Variants in BICD1 observed in about 807,000 individuals in gnomAD.
BICD1 encodes protein bicaudal D homolog 1.
BICD1 carries 35 observed loss-of-function variants against 92.5 expected under a neutral mutation model. The ratio of observed to expected loss-of-function variants is 0.38; its 90% CI spans 0.29 to 0.50. BICD1 has a LOEUF of 0.50. BICD1 is among the 20% of genes least tolerant of loss of function. BICD1 has a pLI of 0.93. For missense variants in BICD1, 950 were observed against 1,189.8 expected (o/e 0.80, Z 2.97); for synonymous variants, 429 against 465.1 (o/e 0.92, Z 1.00).
At chr12:32,233,176 T>C (rs1321747516) in intron 2 of BICD1, among the ~76,000 whole-genome samples, 4 of 151,982 alleles carry the variant, frequency 2.6e-5, no homozygotes, top group African/African-American at 9.7e-5. Flanking sequence ...ACAAAAGTTA[T>C]GTTGGCATGG....
At chr12:32,274,068 G>C (rs1329664941) in intron 2 of BICD1, among the ~76,000 whole-genome samples, 2 of 152,210 alleles carry the variant, frequency 1.3e-5, no homozygotes, top group African/African-American at 4.8e-5. Flanking sequence ...CAGCCTTCAG[G>C]CTCTTTTAGG....
At chr12:32,230,762 G>C (rs1462200060) in intron 2 of BICD1, among the ~76,000 whole-genome samples, 1 of 152,194 alleles carries the variant, frequency 6.6e-6, no homozygotes, top group Non-Finnish European at 1.5e-5. Flanking sequence ...TCTGTCTCAG[G>C]CCCAGTGGCA....
At chr12:32,153,510 T>G (rs1268300205) in intron 1 of BICD1, among the ~76,000 whole-genome samples, 2 of 151,982 alleles carry the variant, frequency 1.3e-5, no homozygotes, top group Non-Finnish European at 2.9e-5. Context: ...TTAAATCAGT[T>G]AAGATGGAGG....
intron 2 of BICD1, among the ~76,000 whole-genome samples, chr12:32,275,727 G>A (rs949467181): frequency 5.3e-5 from 8 of 150,732 alleles, no homozygotes; most frequent in Non-Finnish European, 8.8e-5. Flanking sequence ...ATCCGGCAGG[G>A]TGTCCGCTGT....
intron 3 of BICD1, among the ~76,000 whole-genome samples, chr12:32,303,425 C>T (rs539752781): frequency 1.3e-5 from 2 of 152,292 alleles, no homozygotes; most frequent in Admixed American, 6.5e-5. Context: ...TTACCATCAG[C>T]TTTCATTGTT....
At chr12:32,192,365 C>T (rs868071229) in intron 1 of BICD1, among the ~76,000 whole-genome samples, 5 of 151,956 alleles carry the variant, frequency 3.3e-5, no homozygotes, top group African/African-American at 1.2e-4. Context: ...ACCCAGGAGG[C>T]GGAGGTTGCA....
intron 3 of BICD1, among the ~76,000 whole-genome samples, chr12:32,301,531 T>G (rs1948045767): frequency 6.6e-6 from 1 of 151,888 alleles, no homozygotes; most frequent in South Asian, 2.1e-4. Context: ...TCCCAGCACT[T>G]CGGGAGGCTG....
intron 5 of BICD1, among the ~76,000 whole-genome samples, chr12:32,330,796 A>T (rs1264938208): frequency 3.9e-5 from 6 of 152,136 alleles, no homozygotes; most frequent in Non-Finnish European, 1.5e-5. Context: ...ATTCTTGATC[A>T]AGCCATCCAG....
chr12:32,251,989 A>C (rs373070554), intron 2 of BICD1, among the ~76,000 whole-genome samples: 3 of 104,276 alleles, frequency 2.9e-5, no homozygotes, highest in East Asian at 2.7e-4. Context: ...CTATATATAT[A>C]ATATATTTAT....
At chr12:32,173,788 C>A (rs1340736743) in intron 1 of BICD1, among the ~76,000 whole-genome samples, 1 of 152,160 alleles carries the variant, frequency 6.6e-6, no homozygotes, top group East Asian at 1.9e-4. Flanking sequence ...CAGATGTGTT[C>A]ATCAAACACT....
intron 8 of BICD1, among the ~76,000 whole-genome samples, chr12:32,363,554 G>C (rs1247591550): frequency 6.6e-6 from 1 of 152,102 alleles, no homozygotes; most frequent in Non-Finnish European, 1.5e-5. Context: ...TAAAAAGTTT[G>C]TAGTTACAAA....
intron 1 of BICD1, among the ~76,000 whole-genome samples, chr12:32,112,076 G>A (rs1487023859): frequency 1.5e-5 from 2 of 136,476 alleles, no homozygotes; most frequent in African/African-American, 2.8e-5. Context: ...GTGTGATCTC[G>A]GCTCACCGCA....
chr12:32,367,511 G>A, intron 8 of BICD1, 159 bp from the exon 9 acceptor site: 1 of 549,798 alleles, frequency 1.8e-6, no homozygotes. Context: ...CTTTTCTATT[G>A]GCATCATTCA....
intron 1 of BICD1, among the ~76,000 whole-genome samples, chr12:32,133,001 G>A (rs534676261): frequency 2.6e-5 from 4 of 152,236 alleles, no homozygotes; most frequent in African/African-American, 9.6e-5. Flanking sequence ...AAAGAAGGTG[G>A]AGAAATCAGG....
chr12:32,191,669 T>TGCA (rs1944572793), intron 1 of BICD1, among the ~76,000 whole-genome samples: 1 of 147,908 alleles, frequency 6.8e-6, no homozygotes, highest in African/African-American at 2.5e-5. Flanking sequence ...ATATGTTATA[T>TGCA]ATAATATATA....
chr12:32,360,601 G>C (rs998494198), intron 8 of BICD1, among the ~76,000 whole-genome samples: 3 of 152,088 alleles, frequency 2.0e-5, no homozygotes, highest in African/African-American at 7.2e-5. Flanking sequence ...AAAATAATGT[G>C]TCTGAACTTG....
intron 1 of BICD1, among the ~76,000 whole-genome samples, chr12:32,116,205 G>A (rs1353838668): frequency 6.6e-6 from 1 of 151,946 alleles, no homozygotes; most frequent in African/African-American, 2.4e-5. Flanking sequence ...AGATGGCTGT[G>A]TTTTAGAGCT....
intron 2 of BICD1, among the ~76,000 whole-genome samples, chr12:32,228,515 G>A (rs1945772960): frequency 6.6e-6 from 1 of 152,212 alleles, no homozygotes; most frequent in Admixed American, 6.5e-5. Context: ...AGGAGCTACA[G>A]GAAGGTGCTG....
intron 1 of BICD1, among the ~76,000 whole-genome samples, chr12:32,141,008 G>A (rs1262420763): frequency 6.6e-6 from 1 of 152,192 alleles, no homozygotes; most frequent in Non-Finnish European, 1.5e-5. Context: ...CTTTGTACTA[G>A]TTCCATTCTA....
Sources: allele counts gnomAD v4.1 joint callset (sites outside exome capture counted in the v4.1 genomes callset), GRCh38; gene constraint gnomAD v4.1.1; transcripts MANE v1.5; gene names NCBI Gene and HGNC (gene_info 2026-07-23, HGNC 2026-07-21).